Variants in FBRSL1 observed in about 807,000 individuals in gnomAD.
FBRSL1 encodes the protein fibrosin-1-like protein.
Under a neutral mutation model 89.6 loss-of-function variants are expected in FBRSL1, and 51 were observed. The observed-to-expected ratio is 0.57, with a 90% CI of 0.45 to 0.72. The LOEUF is 0.72. Among genes scored for constraint, FBRSL1 ranks in the 30% least tolerant of loss-of-function variants. The pLI, the probability that FBRSL1 is intolerant of heterozygous loss-of-function variation, is 0.00. For synonymous variants in FBRSL1, 779 were observed against 681.1 expected (o/e 1.14, Z -2.24); for missense variants, 1,618 against 1,451.8 (o/e 1.11, Z -1.86).
chr12:132,566,715 G>A (rs577041256), intron 5 of FBRSL1, among the ~76,000 whole-genome samples: 101 of 152,166 alleles, frequency 6.6e-4, no homozygotes, highest in African/African-American at 2.3e-3. Flanking sequence ...GAGCTTGGCC[G>A]GCCTGGGAGC....
chr12:132,506,920 CG>C, intron 1 of FBRSL1: 1 of 152,476 alleles, frequency 6.6e-6, no homozygotes, highest in African/African-American at 2.4e-5. Context: ...GATCAGCCCT[CG>C]TGGGCAGGGG....
chr12:132,525,204 T>C (rs570649699), intron 2 of FBRSL1, among the ~76,000 whole-genome samples: 14 of 152,326 alleles, frequency 9.2e-5, no homozygotes, highest in African/African-American at 3.1e-4. Context: ...CGCTGCTTGC[T>C]CTGGCATGGA....
intron 5 of FBRSL1, among the ~76,000 whole-genome samples, chr12:132,562,063 C>G (rs1167238226): frequency 1.3e-5 from 2 of 152,214 alleles, no homozygotes; most frequent in African/African-American, 4.8e-5. Context: ...GCACAGGCCC[C>G]TTCACTATTC....
chr12:132,524,735 A>G (rs1046924299), intron 2 of FBRSL1, among the ~76,000 whole-genome samples: 2 of 152,208 alleles, frequency 1.3e-5, no homozygotes, highest in Non-Finnish European at 2.9e-5. Context: ...CTGGGCTTCC[A>G]CGTGAGTCTG....
At chr12:132,508,718 C>T (rs1256436812) in intron 2 of FBRSL1, among the ~76,000 whole-genome samples, 1 of 152,380 alleles carries the variant, frequency 6.6e-6, no homozygotes, top group African/African-American at 2.4e-5. Flanking sequence ...GGGGTCCAGG[C>T]TCATTGCCGA....
At chr12:132,527,493 G>A (rs908485819) in intron 3 of FBRSL1, among the ~76,000 whole-genome samples, 2 of 152,334 alleles carry the variant, frequency 1.3e-5, no homozygotes, top group South Asian at 2.1e-4. Flanking sequence ...TCCTCCCTGC[G>A]GCCTCAGCCC....
At chr12:132,578,972 C>G (rs1397842125) in intron 15 of FBRSL1, among the ~76,000 whole-genome samples, 3 of 152,232 alleles carry the variant, frequency 2.0e-5, no homozygotes, top group East Asian at 1.9e-4. Context: ...TGGCTCAAGC[C>G]CCCCGGACAC....
chr12:132,569,845 C>A, intron 6 of FBRSL1, 81 bp from the exon 7 acceptor site: 1 of 1,105,922 alleles, frequency 9.0e-7, no homozygotes, highest in Non-Finnish European at 1.2e-6. Flanking sequence ...GGGCACCGGG[C>A]ACGTACCAGG....
intron 2 of FBRSL1, chr12:132,509,837 G>A (rs1325308744): frequency 1.7e-5 from 21 of 1,231,854 alleles, no homozygotes; most frequent in Middle Eastern, 3.1e-4. Context: ...ACCAGCCCCC[G>A]CGGCCACTCC....
At chr12:132,572,715 C>A (rs1370217706) in intron 11 of FBRSL1, 93 bp downstream of exon 11, 1 of 891,590 alleles carries the variant, frequency 1.1e-6, no homozygotes, top group Non-Finnish European at 1.8e-6. Context: ...CTGCCCACAA[C>A]CACCCCCCTT....
chr12:132,574,572 C>A lies in FBRSL1; in HGVS notation c.1701+8C>A. On this transcript the variant is annotated splice_region_variant and intron_variant, in intron 14 of 18. Coordinates refer to ENST00000680143, the MANE Select transcript of FBRSL1 (RefSeq NM_001367871.1). Reference sequence around the variant, plus strand: ...CACCAGCAGAAGATAAAGGTGAGACCACCTGGGCTGGGGCAGGGCGCTTGT... The same window carrying A: ...CACCAGCAGAAGATAAAGGTGAGACAACCTGGGCTGGGGCAGGGCGCTTGT... 1 of 1,548,626 alleles carries A rather than the reference C, an allele frequency of 6.5e-7. No homozygotes were observed. Among genetic ancestry groups the A allele is most frequent in the South Asian group, 1.2e-5 (1 of 83,822 alleles).
chr12:132,551,782 G>T (rs1431924852), intron 5 of FBRSL1: 1 of 353,066 alleles, frequency 2.8e-6, no homozygotes, highest in African/African-American at 2.1e-5. Context: ...CTCGGGCACT[G>T]CCAGATGGCC....
intron 14 of FBRSL1, among the ~76,000 whole-genome samples, chr12:132,576,554 C>G (rs1593583863): frequency 6.6e-6 from 1 of 152,242 alleles, no homozygotes; most frequent in East Asian, 1.9e-4. Flanking sequence ...AGCGTAGCAT[C>G]CCAGCTGCCA....
intron 2 of FBRSL1, among the ~76,000 whole-genome samples, chr12:132,518,680 G>C (rs111200452): frequency 0.017 from 2,349 of 139,966 alleles, 22 homozygotes; most frequent in Non-Finnish European, 0.027. Context: ...CCACCCATCT[G>C]TCCTTCCATC....
At chr12:132,492,905 A>C (rs1277422822) in intron 1 of FBRSL1, among the ~76,000 whole-genome samples, 2 of 152,192 alleles carry the variant, frequency 1.3e-5, no homozygotes, top group Non-Finnish European at 2.9e-5. Flanking sequence ...TTGCCAAAGT[A>C]TGGTGGTTTT....
chr12:132,521,811 G>A (rs1050402519), intron 2 of FBRSL1, among the ~76,000 whole-genome samples: 1 of 152,230 alleles, frequency 6.6e-6, no homozygotes, highest in Non-Finnish European at 1.5e-5. Flanking sequence ...CCCCGGGAGG[G>A]CACCTTCTGC....
At chr12:132,580,422 C>T (rs1056164710) in intron 15 of FBRSL1, among the ~76,000 whole-genome samples, 4 of 88,718 alleles carry the variant, frequency 4.5e-5, no homozygotes, top group African/African-American at 2.1e-4. Context: ...GCAGCTCTGA[C>T]CTCGCTGCCT....
chr12:132,550,483 C>CCGGAGGCTG (rs943783657), intron 5 of FBRSL1, among the ~76,000 whole-genome samples: 3 of 152,022 alleles, frequency 2.0e-5, no homozygotes, highest in Non-Finnish European at 4.4e-5. Context: ...GGGGCAGCTC[C>CCGGAGGCTG]CGGAGGCTGC....
At chr12:132,534,974 C>T (rs932196622) in intron 4 of FBRSL1, among the ~76,000 whole-genome samples, 2 of 152,254 alleles carry the variant, frequency 1.3e-5, no homozygotes, top group African/African-American at 4.8e-5. Flanking sequence ...GCAGGACAGC[C>T]CCACAGGGCA....
Sources: allele counts gnomAD v4.1 joint callset (sites outside exome capture counted in the v4.1 genomes callset), GRCh38; gene constraint gnomAD v4.1.1; transcripts MANE v1.5; gene names NCBI Gene and HGNC (gene_info 2026-07-23, HGNC 2026-07-21).